WNT3A: variants seen among roughly 807,000 people sequenced by gnomAD.
WNT3A encodes the protein Wnt family member 3A.
In WNT3A, 17 loss-of-function variants were observed where a neutral mutation model predicts 37.0. That is an observed-to-expected ratio of 0.46 (90% CI 0.31 to 0.69). WNT3A has a LOEUF of 0.69. Among genes scored for constraint, WNT3A ranks in the 30% least tolerant of loss-of-function variants. The probability of loss-of-function intolerance (pLI) is 0.05; values close to 1 mark genes in which losing one functional copy is unlikely to be tolerated. For synonymous variants in WNT3A, 187 were observed against 211.0 expected, an observed-to-expected ratio of 0.89 and a Z score of 0.99; for missense variants, 411 against 510.2, an observed-to-expected ratio of 0.81 and a Z score of 1.87.
At chr1:228,026,208 T>C (rs1478053940) in intron 2 of WNT3A, among the ~76,000 whole-genome samples, 19 of 152,124 alleles carry the variant, frequency 1.2e-4, no homozygotes, top group Admixed American at 1.2e-3. Flanking sequence ...AGGGTTTTGG[T>C]GAATTGTGTA....
chr1:228,023,304 CAGAG>C (rs781343022), intron 2 of WNT3A, among the ~76,000 whole-genome samples: 16 of 151,620 alleles, frequency 1.1e-4, no homozygotes, highest in East Asian at 7.8e-4. Context: ...CAGAGAGAGA[CAGAG>C]AGAGAGAAAG....
At position 228,059,046 on chromosome 1, in the gene WNT3A, G is replaced by T. The variant is rs2031739564; in HGVS notation, c.640G>T (p.Val214Leu). The stretch of plus-strand genomic sequence containing the variant: ...CCACGGGCTGTCGGGCAGCTGCGAG[G>T]TGAAGACATGCTGGTGGTCGCAACC... ...KCHGLSGSCE[V>L]KTCWWSQPDF... The change falls in exon 4 of 4, where the codon GTG becomes TTG. Residue 214 changes from valine to leucine, a missense_variant. Physicochemically the swap from Val to Leu is conservative, Grantham distance 32 (BLOSUM62 1). Transcript: ENST00000284523. The T allele has an allele frequency of 1.9e-6, 3 of 1,613,552 alleles. No homozygotes were observed. Among genetic ancestry groups the T allele is most frequent in the Middle Eastern group, 3.3e-4 (2 of 6,062 alleles).
chr1:228,058,904 T>C, intron 3 of WNT3A, 82 bp from the exon 4 acceptor site: 1 of 1,372,618 alleles, frequency 7.3e-7, no homozygotes, highest in Non-Finnish European at 9.9e-7. Flanking sequence ...GCAGGTAGGC[T>C]GCAGGCGACA....
At chr1:228,058,885 CT>C (rs2031735345) in intron 3 of WNT3A, 100 bp from the exon 4 acceptor site, 2 of 1,234,728 alleles carry the variant, frequency 1.6e-6, no homozygotes, top group East Asian at 5.1e-5. Flanking sequence ...TGCCCGGGGG[CT>C]TTATGGAGCA....
At chr1:228,054,413 A>G (rs1025585195) in intron 3 of WNT3A, among the ~76,000 whole-genome samples, 7 of 151,258 alleles carry the variant, frequency 4.6e-5, no homozygotes, top group African/African-American at 7.3e-5. Context: ...TCGTGAGGTC[A>G]GGAGATTGAA....
intron 3 of WNT3A, among the ~76,000 whole-genome samples, chr1:228,055,174 AAAAAAATATATAT>A (rs1370066547): frequency 3.1e-5 from 2 of 64,854 alleles, no homozygotes; most frequent in African/African-American, 1.3e-4. Flanking sequence ...AAAAAAAAAA[AAAAAAATATATAT>A]ATATATATAT....
intron 3 of WNT3A, among the ~76,000 whole-genome samples, chr1:228,052,009 G>T (rs2031564971): frequency 6.6e-6 from 1 of 152,108 alleles, no homozygotes; most frequent in South Asian, 2.1e-4. Flanking sequence ...CCAACACTGG[G>T]GATTACACTT....
chr1:228,046,788 G>A (rs372666121), intron 2 of WNT3A, among the ~76,000 whole-genome samples: 4 of 149,224 alleles, frequency 2.7e-5, no homozygotes, highest in East Asian at 2.0e-4. Flanking sequence ...GTGTGCATGC[G>A]TGTGATGTGT....
At position 228,008,843 on chromosome 1, in the gene WNT3A, G is replaced by T. The variant is rs1040250454; in HGVS notation, c.71+1644G>T. On this transcript the variant is annotated intron_variant, in intron 1 of 3. Transcript: ENST00000284523. The surrounding 1 kb of genome is among the most constrained non-coding windows in gnomAD (Gnocchi z 4.9). ...GATCTTTGTCTTGTCGGCCCTGAGG[G>T]TTCCTAGCCTCGGTCCCCATCCACC... 7.2e-5 allele frequency among the ~76,000 whole-genome samples: 11 copies of T among 152,178 alleles called. No homozygotes were observed. The highest frequency in any genetic ancestry group is 1.3e-4 in the Non-Finnish European group (9 of 68,020).
At chr1:228,041,013 ATATC>A (rs6143658) in intron 2 of WNT3A, among the ~76,000 whole-genome samples, 5,665 of 140,762 alleles carry the variant, frequency 0.04, 246 homozygotes, top group African/African-American at 0.1. Context: ...CTACATATCT[ATATC>A]TATCTATCTA....
intron 1 of WNT3A, among the ~76,000 whole-genome samples, chr1:228,020,082 G>A (rs1169660370): frequency 2.0e-5 from 3 of 152,240 alleles, no homozygotes; most frequent in Non-Finnish European, 2.9e-5. Flanking sequence ...ACATTAGCCA[G>A]GCATGGTGGT....
rs2031214339 is a variant in WNT3A, at chr1:228,039,108, G to C, written c.314-11548G>C. Reference sequence around the variant, plus strand: ...AGAGCTGGGGGTGTCCAGCCAGACAGTCAGCATTGCCAGGGGAAAGAGACG... The same window carrying C: ...AGAGCTGGGGGTGTCCAGCCAGACACTCAGCATTGCCAGGGGAAAGAGACG... On this transcript the variant is annotated intron_variant, in intron 2 of 3. Transcript: ENST00000284523. This position sits in a 1 kb window ranked among gnomAD's most constrained non-coding sequence, Gnocchi z 4.1. Among the ~76,000 whole-genome samples the C allele has an allele frequency of 1.3e-5, 2 of 152,198 alleles. No homozygotes were observed. Among genetic ancestry groups the C allele is most frequent in the South Asian group, 4.1e-4 (2 of 4,828 alleles).
In WNT3A at chr1:228,037,770, G is replaced by A. The variant is rs1399609241; in HGVS notation, c.314-12886G>A. Among the ~76,000 whole-genome samples the A allele has an allele frequency of 6.6e-6, 1 of 152,234 alleles. No individual in the cohort carries two copies. The highest frequency in any genetic ancestry group is 6.5e-5 in the Admixed American group (1 of 15,290). On this transcript the variant is annotated intron_variant, in intron 2 of 3. Transcript: ENST00000284523. The surrounding 1 kb of genome is among the most constrained non-coding windows in gnomAD (Gnocchi z 4.1). ...CCGACTCCCCGCCGCGTCCGGCTGG[G>A]AGCACAATATCCCAGCGACGGCGAC...
chr1:228,043,965 C>T (rs1025882575), intron 2 of WNT3A, among the ~76,000 whole-genome samples: 55 of 152,016 alleles, frequency 3.6e-4, no homozygotes, highest in African/African-American at 1.2e-3. Flanking sequence ...CATTTTTTAA[C>T]TTTTTATTTA....
At chr1:228,055,385 AT>A in intron 3 of WNT3A, among the ~76,000 whole-genome samples, 1 of 150,350 alleles carries the variant, frequency 6.7e-6, no homozygotes, top group South Asian at 2.1e-4. Flanking sequence ...ATATGTAGAG[AT>A]AAATATAAAT....
chr1:228,010,800 G>T (rs1158774045), intron 1 of WNT3A, among the ~76,000 whole-genome samples: 2 of 152,136 alleles, frequency 1.3e-5, no homozygotes, highest in African/African-American at 4.8e-5. Flanking sequence ...ATCCCTCTGG[G>T]CCTCGAGCTT....
chr1:228,034,075 A>G (rs2031080801), intron 2 of WNT3A, among the ~76,000 whole-genome samples: 1 of 152,206 alleles, frequency 6.6e-6, no homozygotes, highest in Admixed American at 6.5e-5. Flanking sequence ...CACCCTGGCC[A>G]ACATGACAAA....
At position 228,059,536 on chromosome 1, in the gene WNT3A, G is replaced by T. The variant is rs1316285358; in HGVS notation, c.*71G>T. On this transcript the variant is annotated 3_prime_UTR_variant, in exon 4 of 4. Coordinates refer to ENST00000284523, the MANE Select transcript of WNT3A (RefSeq NM_033131.4). ...GTGGGCTTTTCCCTGGGTGGAGCAG[G>T]ACTCCCACCTAAACGGGGCAGTACT... 3 of 1,440,294 alleles carry T rather than the reference G, an allele frequency of 2.1e-6. No individual in the cohort carries two copies. The Admixed American group carries it at 8.3e-5, about 40-fold the overall frequency. 89.2% of individuals were successfully genotyped at this position (1,440,294 alleles called of 1,614,324 possible).
chr1:228,045,824 C>T (rs566576215), intron 2 of WNT3A, among the ~76,000 whole-genome samples: 1 of 152,338 alleles, frequency 6.6e-6, no homozygotes, highest in Admixed American at 6.5e-5. Flanking sequence ...TCTGGGTAGG[C>T]TCAGACCCTG....
Sources: allele counts gnomAD v4.1 joint callset (sites outside exome capture counted in the v4.1 genomes callset), GRCh38; gene constraint gnomAD v4.1.1; non-coding constraint Gnocchi (gnomAD v3.1); transcripts MANE v1.5; gene names NCBI Gene and HGNC (gene_info 2026-07-23, HGNC 2026-07-21).